Variants in MSRA observed in about 807,000 individuals in gnomAD.
MSRA encodes the protein mitochondrial peptide methionine sulfoxide reductase.
In MSRA, 54 loss-of-function variants were observed where a neutral mutation model predicts 31.3. That is an observed-to-expected ratio of 1.73 (90% CI 1.39 to 2.17). MSRA has a LOEUF of 2.17. MSRA is among the 30% of genes most tolerant of loss of function. MSRA has a pLI of 0.00. For synonymous variants in MSRA, 169 were observed against 116.5 expected (o/e 1.45, Z -2.90); for missense variants, 507 against 300.9 (o/e 1.69, Z -5.07).
intron 3 of MSRA, among the ~76,000 whole-genome samples, chr8:10,294,114 T>C (rs562770184): frequency 1.3e-5 from 2 of 152,226 alleles, no homozygotes; most frequent in African/African-American, 4.8e-5. Flanking sequence ...TGAGGCAGAA[T>C]TGCTTGAACC....
chr8:10,141,998 T>G (rs560018418), intron 1 of MSRA, among the ~76,000 whole-genome samples: 14 of 152,290 alleles, frequency 9.2e-5, no homozygotes, highest in African/African-American at 3.4e-4. Context: ...CGCACTTGTT[T>G]CCCAGTCTGG....
intron 5 of MSRA, among the ~76,000 whole-genome samples, chr8:10,427,118 G>C (rs1375917401): frequency 6.6e-6 from 1 of 152,186 alleles, no homozygotes; most frequent in Non-Finnish European, 1.5e-5. Flanking sequence ...ATCTCACATG[G>C]ACCAGTGGAC....
chr8:10,287,504 G>C (rs535139187), intron 3 of MSRA, among the ~76,000 whole-genome samples: 3 of 152,308 alleles, frequency 2.0e-5, no homozygotes, highest in African/African-American at 4.8e-5. Context: ...GAAAAGTCCA[G>C]TGCAGAGTTC....
chr8:10,073,818 C>T (rs544160019), intron 1 of MSRA, among the ~76,000 whole-genome samples: 2 of 152,190 alleles, frequency 1.3e-5, no homozygotes, highest in South Asian at 2.1e-4. Context: ...TCTATTAATT[C>T]TGTAGCTTGA....
intron 5 of MSRA, chr8:10,354,062 C>A (rs960292545): frequency 3.3e-5 from 5 of 152,724 alleles, no homozygotes; most frequent in African/African-American, 1.2e-4. Context: ...AGCCCCAGCT[C>A]CTTCACTGTT....
At chr8:10,303,884 T>C (rs1440795195) in intron 4 of MSRA, among the ~76,000 whole-genome samples, 2 of 152,228 alleles carry the variant, frequency 1.3e-5, no homozygotes, top group Non-Finnish European at 2.9e-5. Context: ...ATCCAAACAA[T>C]CTTATGCCCA....
chr8:10,182,668 G>A (rs1412783846), intron 1 of MSRA, among the ~76,000 whole-genome samples: 2 of 152,164 alleles, frequency 1.3e-5, no homozygotes, highest in Admixed American at 1.3e-4. Context: ...CATGGAGAAT[G>A]GGGGAGATTC....
At chr8:10,199,214 C>T (rs1464897715) in intron 1 of MSRA, among the ~76,000 whole-genome samples, 1 of 152,008 alleles carries the variant, frequency 6.6e-6, no homozygotes, top group Non-Finnish European at 1.5e-5. Context: ...ATGGGGGATC[C>T]CTCTGATCAC....
intron 3 of MSRA, among the ~76,000 whole-genome samples, chr8:10,257,975 G>A (rs939258558): frequency 1.3e-5 from 2 of 152,204 alleles, no homozygotes; most frequent in Non-Finnish European, 2.9e-5. Context: ...CTTTACATAT[G>A]AGCTTGGAGA....
At chr8:10,064,381 G>A (rs755537646) in intron 1 of MSRA, among the ~76,000 whole-genome samples, 5 of 151,848 alleles carry the variant, frequency 3.3e-5, no homozygotes, top group Admixed American at 6.6e-5. Flanking sequence ...TAAAGGCATG[G>A]TTTCTTGTAT....
At chr8:10,148,516 G>C (rs1381519471) in intron 1 of MSRA, among the ~76,000 whole-genome samples, 1 of 151,938 alleles carries the variant, frequency 6.6e-6, no homozygotes, top group African/African-American at 2.4e-5. Flanking sequence ...GCATGGTGGT[G>C]CACATCTGCA....
chr8:10,314,400 A>G (rs1405141562), intron 4 of MSRA, among the ~76,000 whole-genome samples: 2 of 152,154 alleles, frequency 1.3e-5, no homozygotes, highest in African/African-American at 4.8e-5. Context: ...ACATAAAATG[A>G]TAATTAACGT....
intron 1 of MSRA, among the ~76,000 whole-genome samples, chr8:10,194,128 C>G (rs140046526): frequency 2.2e-4 from 33 of 152,264 alleles, no homozygotes; most frequent in African/African-American, 7.7e-4. Flanking sequence ...AAAATACTTG[C>G]TGCTGTACGA....
chr8:10,228,803 A>G (rs1441580790), intron 2 of MSRA, among the ~76,000 whole-genome samples: 1 of 152,212 alleles, frequency 6.6e-6, no homozygotes, highest in African/African-American at 2.4e-5. Context: ...TTATCACCGG[A>G]TTCCACATAT....
chr8:10,219,805 C>CAAA lies in MSRA; in HGVS notation c.211+11904_211+11905insAAA, dbSNP rs202000887. On this transcript the variant is annotated intron_variant, in intron 2 of 5. Transcript: ENST00000317173. ...TGGACGACAGATCGAGACTCTGTCT[C>CAAA]CAAAAAAAAAAAAAAAAAAAAAAGA... Among the ~76,000 whole-genome samples, 90 of 46,068 alleles carry CAAA rather than the reference C, an allele frequency of 2.0e-3. 8 individuals carry two copies. The highest frequency in any genetic ancestry group is 0.013 in the Middle Eastern group (1 of 76). The allele number at this position is 46,068 out of a possible 152,430, so 30.2% of individuals were successfully genotyped here.
intron 4 of MSRA, among the ~76,000 whole-genome samples, chr8:10,303,138 C>T (rs1218368390): frequency 6.6e-6 from 1 of 152,204 alleles, no homozygotes; most frequent in East Asian, 1.9e-4. Context: ...AGACATGTAT[C>T]AGAGGCCCAG....
chr8:10,132,057 T>A (rs971519978), intron 1 of MSRA, among the ~76,000 whole-genome samples: 21 of 152,326 alleles, frequency 1.4e-4, no homozygotes, highest in Middle Eastern at 3.4e-3. Context: ...ACATGTGTTA[T>A]CTTCTGTCAC....
chr8:10,259,148 C>A (rs571802116), intron 3 of MSRA, among the ~76,000 whole-genome samples: 1 of 152,124 alleles, frequency 6.6e-6, no homozygotes, highest in East Asian at 1.9e-4. Context: ...CATCTGTTGC[C>A]TTTGACCTTG....
chr8:10,367,178 C>T (rs556572211), intron 5 of MSRA, among the ~76,000 whole-genome samples: 3 of 152,302 alleles, frequency 2.0e-5, no homozygotes, highest in African/African-American at 7.2e-5. Context: ...GCTGTCTACA[C>T]TGCCTATCTG....
Sources: gnomAD v4.1 joint callset for allele counts (sites outside exome capture counted in the v4.1 genomes callset) on GRCh38, gnomAD v4.1.1 for gene constraint, MANE v1.5 for transcripts, NCBI Gene and HGNC (gene_info 2026-07-23, HGNC 2026-07-21) for gene names.